Variants in NR3C1 observed in about 807,000 individuals in gnomAD.
NR3C1 encodes glucocorticoid receptor.
A neutral mutation model predicts 74.0 loss-of-function variants in NR3C1; 14 were observed. The ratio of observed to expected loss-of-function variants is 0.19; its 90% CI spans 0.12 to 0.30. NR3C1 has a LOEUF of 0.30. Among genes scored for constraint, NR3C1 ranks in the 10% least tolerant of loss-of-function variants. The pLI is 1.00. For missense variants in NR3C1, 695 were observed against 909.8 expected (o/e 0.76, Z 3.04); for synonymous variants, 308 against 332.5 (o/e 0.93, Z 0.80).
At position 143,403,241 on chromosome 5, in the gene NR3C1, G is replaced by A. The variant is rs887986916; in HGVS notation, c.-44C>T. On this transcript the variant is annotated 5_prime_UTR_variant, in exon 1 of 9. In the 5' UTR this introduces an upstream ATG that the reference lacks. Transcript: ENST00000394464. ...GCAGAGGAGCCGCTCGCCCGCCACCGTCCGCAGTTCCCGCCGCAGCCGAGA... is the reference window on the plus strand; with the variant it reads ...GCAGAGGAGCCGCTCGCCCGCCACCATCCGCAGTTCCCGCCGCAGCCGAGA... 2.0e-6 allele frequency: 2 copies of A among 985,470 alleles called. No individual in the cohort carries two copies. Among genetic ancestry groups the A allele is most frequent in the African/African-American group, 1.7e-5 (1 of 57,318 alleles). The allele number at this position is 985,470 out of a possible 1,614,324, so 61.0% of individuals were successfully genotyped here. A position where few individuals can be genotyped will look rare whatever the true frequency, so the allele number is the denominator to read the frequency against.
intron 7 of NR3C1, among the ~76,000 whole-genome samples, chr5:143,287,132 T>C (rs540929551): frequency 6.6e-6 from 1 of 151,726 alleles, no homozygotes; most frequent in Admixed American, 6.6e-5. Context: ...TACCTTAAAC[T>C]AGAAAAAGAG....
chr5:143,408,701 A>G (rs927528150), intron 1 of NR3C1, among the ~76,000 whole-genome samples: 2 of 152,200 alleles, frequency 1.3e-5, no homozygotes. Flanking sequence ...GTTTGTGGTA[A>G]GTACTTCCAT....
At chr5:143,329,943 T>C (rs1387637816) in intron 2 of NR3C1, among the ~76,000 whole-genome samples, 1 of 152,216 alleles carries the variant, frequency 6.6e-6, no homozygotes, top group Admixed American at 6.5e-5. Context: ...GTGCTGCATA[T>C]AATGTATATG....
intron 2 of NR3C1, among the ~76,000 whole-genome samples, chr5:143,375,301 TA>T (rs1453900652): frequency 6.6e-6 from 1 of 151,216 alleles, no homozygotes; most frequent in Non-Finnish European, 1.5e-5. Flanking sequence ...GATTTAAACC[TA>T]AAAAAAAATC....
chr5:143,326,771 A>G (rs1824700208), intron 2 of NR3C1, among the ~76,000 whole-genome samples: 1 of 152,232 alleles, frequency 6.6e-6, no homozygotes, highest in African/African-American at 2.4e-5. Flanking sequence ...AATGAACTTA[A>G]TATTATACAG....
intron 1 of NR3C1, among the ~76,000 whole-genome samples, chr5:143,426,727 G>T (rs539188318): frequency 6.6e-6 from 1 of 152,338 alleles, no homozygotes; most frequent in Non-Finnish European, 1.5e-5. Context: ...ACAAAAATTA[G>T]TGGGTCAAAT....
At chr5:143,292,347 A>C (rs565364720) in intron 7 of NR3C1, among the ~76,000 whole-genome samples, 4 of 152,128 alleles carry the variant, frequency 2.6e-5, no homozygotes, top group Non-Finnish European at 5.9e-5. Context: ...CTTTATGATT[A>C]AATCTCAGTT....
chr5:143,395,377 T>C (rs2151927291), intron 2 of NR3C1, among the ~76,000 whole-genome samples: 1 of 152,050 alleles, frequency 6.6e-6, no homozygotes, highest in East Asian at 1.9e-4. Context: ...TAATGGATTT[T>C]TTTTTGTAGT....
chr5:143,422,365 G>A (rs891167529), intron 1 of NR3C1, among the ~76,000 whole-genome samples: 2 of 152,166 alleles, frequency 1.3e-5, no homozygotes, highest in Non-Finnish European at 2.9e-5. Context: ...CTAGGCTACG[G>A]GTTCGTTGTA....
At chr5:143,412,414 T>C (rs1039630554) in intron 1 of NR3C1, among the ~76,000 whole-genome samples, 3 of 152,144 alleles carry the variant, frequency 2.0e-5, no homozygotes, top group African/African-American at 7.2e-5. Flanking sequence ...TATCCCAATT[T>C]ATAGTAGATT....
intron 1 of NR3C1, among the ~76,000 whole-genome samples, chr5:143,416,252 G>A (rs140381595): frequency 3.3e-5 from 5 of 152,212 alleles, no homozygotes; most frequent in African/African-American, 1.2e-4. Flanking sequence ...GCTTATGGTG[G>A]TATTAACCCA....
intron 2 of NR3C1, among the ~76,000 whole-genome samples, chr5:143,368,471 A>G (rs1284072447): frequency 6.6e-6 from 1 of 152,116 alleles, no homozygotes; most frequent in African/African-American, 2.4e-5. Context: ...CTCAAATTAT[A>G]TATTTCATAA....
At chr5:143,434,806 A>C in exon 1 of NR3C1, 1 of 985,462 alleles carries the variant, frequency 1.0e-6, no homozygotes, top group Non-Finnish European at 1.2e-6. Flanking sequence ...CCAGAATGAA[A>C]TCTGACTTAG....
exon 1 of NR3C1, chr5:143,434,914 G>A: frequency 1.0e-6 from 1 of 985,218 alleles, no homozygotes; most frequent in African/African-American, 1.7e-5. Context: ...AATTTCAGAA[G>A]TGAAGAAAAT....
At chr5:143,424,192 C>T (rs893764023) in intron 1 of NR3C1, among the ~76,000 whole-genome samples, 1 of 148,654 alleles carries the variant, frequency 6.7e-6, no homozygotes, top group Non-Finnish European at 1.5e-5. Context: ...TGCACATGTA[C>T]CCTAAAACTT....
At position 143,330,581 on chromosome 5, in the gene NR3C1, T is replaced by C. The variant is rs1200713927; in HGVS notation, c.1185-16413A>G. 2.0e-5 allele frequency among the ~76,000 whole-genome samples: 3 copies of C among 152,314 alleles called. No homozygotes were observed. The South Asian group carries it at 6.2e-4, about 32-fold the overall frequency. The stretch of plus-strand genomic sequence containing the variant: ...GGAATAAGAATGTGAATGTCAGCCA[T>C]AAGAAAGCATTTTTAAAACTGTGTT... On this transcript the variant is annotated intron_variant, in intron 2 of 8. Transcript: ENST00000394464.
chr5:143,282,543 A>G lies in NR3C1; in HGVS notation c.2181+25T>C, dbSNP rs376438855. 34 of 1,613,306 alleles carry G rather than the reference A, an allele frequency of 2.1e-5. No individual in the cohort carries two copies. In the East Asian group the frequency reaches 2.9e-4, roughly 14 times the overall value. On this transcript the variant is annotated intron_variant, in intron 8 of 8. Transcript: ENST00000394464. ...ATACTTTGTCCCAGAAAACTCTTAT[A>G]TTTGGCTTTATGTTTGACACTTACT... is the stretch of plus-strand genomic sequence containing the variant.
intron 1 of NR3C1, among the ~76,000 whole-genome samples, chr5:143,433,220 A>G (rs1019277663): frequency 6.6e-6 from 1 of 151,948 alleles, no homozygotes; most frequent in Non-Finnish European, 1.5e-5. Flanking sequence ...GATGTTACTA[A>G]GAAGCCCTAA....
intron 7 of NR3C1, chr5:143,294,261 T>C (rs913481734): frequency 4.1e-5 from 40 of 984,182 alleles, no homozygotes; most frequent in African/African-American, 2.3e-4. Flanking sequence ...ATTAAGACTT[T>C]TTAAAAAATT....
Sources: gnomAD v4.1 joint callset for allele counts (sites outside exome capture counted in the v4.1 genomes callset) on GRCh38, gnomAD v4.1.1 for gene constraint, MANE v1.5 for transcripts, NCBI Gene and HGNC (gene_info 2026-07-23, HGNC 2026-07-21) for gene names.